Variants in VGLL4 observed in about 807,000 individuals in gnomAD.
VGLL4 encodes transcription cofactor vestigial-like protein 4.
In VGLL4, 7 loss-of-function variants were observed where a neutral mutation model predicts 21.0. The ratio of observed to expected loss-of-function variants is 0.33; its 90% CI spans 0.19 to 0.63. The LOEUF (loss-of-function observed/expected upper bound fraction) is 0.63. VGLL4 is among the 20% of genes least tolerant of loss of function. VGLL4 has a pLI of 0.78. For missense variants in VGLL4, 394 were observed against 425.7 expected (o/e 0.93, Z 0.66); for synonymous variants, 222 against 173.2 (o/e 1.28, Z -2.21).
chr3:11,693,905 T>A lies in VGLL4; in HGVS notation c.64+9066A>T, dbSNP rs372281494. Among the ~76,000 whole-genome samples the A allele has an allele frequency of 1.1e-4, 17 of 152,298 alleles. No homozygotes were observed. The South Asian group carries it at 2.9e-3, about 26-fold the overall frequency. On this transcript the variant is annotated intron_variant, in intron 2 of 5. Transcript: ENST00000273038. ...AGAGGAGTTTTATTTTGTTTTTGTT[T>A]TTTTAATCAGCAGAAAAGTCTTTCC...
Position 11,719,882 on chromosome 3 carries a change from C to G in VGLL4, c.-14+512G>C, listed in dbSNP as rs111873065. Among the ~76,000 whole-genome samples the G allele has an allele frequency of 2.0e-5, 3 of 152,090 alleles. No individual in the cohort carries two copies. Among genetic ancestry groups the G allele is most frequent in the African/African-American group, 7.2e-5 (3 of 41,448 alleles). ...GCAGTGAGGTTTGTCGGGGCGGGCG[C>G]TCCCGAGAGGCGCCAGCGGGCAGGG... On this transcript the variant is annotated intron_variant, in intron 1 of 5. Transcript: ENST00000273038. The surrounding 1 kb of genome is among the most constrained non-coding windows in gnomAD (Gnocchi z 4.0).
chr3:11,615,454 T>C (rs559060963), intron 1 of VGLL4, among the ~76,000 whole-genome samples: 1 of 152,270 alleles, frequency 6.6e-6, no homozygotes, highest in South Asian at 2.1e-4. Context: ...ACCCAGGTGA[T>C]ACTGTGTGCT....
chr3:11,706,971 T>C (rs2076769250), intron 1 of VGLL4, among the ~76,000 whole-genome samples: 1 of 152,100 alleles, frequency 6.6e-6, no homozygotes, highest in African/African-American at 2.4e-5. Flanking sequence ...GCAGTTGTCA[T>C]CATCTGTCCC....
At chr3:11,558,850 G>T in intron 4 of VGLL4, 23 bp from the exon 5 acceptor site, 1 of 1,607,632 alleles carries the variant, frequency 6.2e-7, no homozygotes, top group Non-Finnish European at 8.5e-7. Flanking sequence ...AGGAAGGCAG[G>T]CAGTCAGACA....
At chr3:11,582,408 G>A (rs2125227369) in intron 2 of VGLL4, 1 of 1,537,100 alleles carries the variant, frequency 6.5e-7, no homozygotes, top group African/African-American at 1.4e-5. Context: ...GCGCTTGTCA[G>A]AATAAAAGTC....
chr3:11,717,010 C>T (rs1229078557), intron 1 of VGLL4, among the ~76,000 whole-genome samples: 1 of 152,082 alleles, frequency 6.6e-6, no homozygotes, highest in African/African-American at 2.4e-5. Context: ...GTTCTCATAG[C>T]TGCAACAGCT....
At chr3:11,651,464 A>G (rs527821708) in intron 2 of VGLL4, among the ~76,000 whole-genome samples, 123 of 152,072 alleles carry the variant, frequency 8.1e-4, no homozygotes, top group Non-Finnish European at 1.3e-3. Context: ...TAGAATGCAA[A>G]TTCCTTAAAG....
At position 11,584,261 on chromosome 3, in the gene VGLL4, A is replaced by T. The variant is rs149316032; in HGVS notation, c.272+17572T>A. ...TTACAAAAAAGACAAGGTATAAACA[A>T]CATCATGGTCACAGAAGAAGAAATG... On this transcript the variant is annotated intron_variant, in intron 2 of 4. Coordinates refer to ENST00000430365, the MANE Select transcript of VGLL4 (RefSeq NM_001128219.3). 1.5e-3 allele frequency among the ~76,000 whole-genome samples: 225 copies of T among 152,348 alleles called. 1 individual carries two copies. The highest frequency in any genetic ancestry group is 5.2e-3 in the African/African-American group (217 of 41,594).
intron 1 of VGLL4, among the ~76,000 whole-genome samples, chr3:11,716,967 C>T (rs2076926798): frequency 6.6e-6 from 1 of 152,018 alleles, no homozygotes; most frequent in African/African-American, 2.4e-5. Flanking sequence ...AATTTCTTAA[C>T]TCACACACAC....
intron 1 of VGLL4, among the ~76,000 whole-genome samples, chr3:11,616,330 T>C (rs1445021771): frequency 6.6e-6 from 1 of 151,678 alleles, no homozygotes; most frequent in Non-Finnish European, 1.5e-5. Context: ...TCTGAAAACA[T>C]TTACAAGCAT....
intron 1 of VGLL4, among the ~76,000 whole-genome samples, chr3:11,628,521 T>G (rs1403093790): frequency 1.3e-5 from 2 of 152,118 alleles, no homozygotes; most frequent in Non-Finnish European, 2.9e-5. Context: ...AATAAGCATT[T>G]AAAAATTAAT....
At chr3:11,631,792 T>C (rs1387223213) in intron 1 of VGLL4, among the ~76,000 whole-genome samples, 1 of 152,050 alleles carries the variant, frequency 6.6e-6, no homozygotes, top group Non-Finnish European at 1.5e-5. Context: ...TCAATAAAAA[T>C]AAAGGAAGAA....
At chr3:11,651,066 G>A (rs1240763901) in intron 2 of VGLL4, among the ~76,000 whole-genome samples, 1 of 152,110 alleles carries the variant, frequency 6.6e-6, no homozygotes, top group Non-Finnish European at 1.5e-5. Context: ...GGGTTTAAGG[G>A]ACCAGGCGCG....
At chr3:11,696,557 A>G (rs58956821) in intron 2 of VGLL4, among the ~76,000 whole-genome samples, 8,507 of 152,282 alleles carry the variant, frequency 0.056, 280 homozygotes, top group Middle Eastern at 0.092. Flanking sequence ...AAAGTTTATC[A>G]CACGAAGGAG....
intron 1 of VGLL4, among the ~76,000 whole-genome samples, chr3:11,704,348 A>T (rs1204410670): frequency 2.1e-5 from 3 of 139,726 alleles, no homozygotes; most frequent in African/African-American, 7.9e-5. Context: ...GAGCCATTGC[A>T]CTCCAGCCTG....
intron 2 of VGLL4, among the ~76,000 whole-genome samples, chr3:11,698,148 T>C (rs2076630233): frequency 6.6e-6 from 1 of 152,120 alleles, no homozygotes; most frequent in Non-Finnish European, 1.5e-5. Flanking sequence ...CAAGGTGTTG[T>C]TTTATACATT....
At chr3:11,693,765 G>A (rs879291538) in intron 2 of VGLL4, among the ~76,000 whole-genome samples, 5 of 152,204 alleles carry the variant, frequency 3.3e-5, no homozygotes, top group East Asian at 1.9e-4. Flanking sequence ...GCTACCACAC[G>A]TCCTGAACGT....
At chr3:11,587,860 T>C (rs1408893545) in intron 2 of VGLL4, among the ~76,000 whole-genome samples, 1 of 152,182 alleles carries the variant, frequency 6.6e-6, no homozygotes, top group Non-Finnish European at 1.5e-5. Flanking sequence ...GGGGGGCTTC[T>C]TACTGAGAGT....
chr3:11,643,847 C>T lies in VGLL4; in HGVS notation c.-329G>A. The T allele has an allele frequency of 1.9e-6, 2 of 1,046,542 alleles. No homozygotes were observed. Among genetic ancestry groups the T allele is most frequent in the Non-Finnish European group, 2.3e-6 (2 of 868,914 alleles). 64.8% of individuals were successfully genotyped at this position (1,046,542 alleles called of 1,614,324 possible). A position where few individuals can be genotyped will look rare whatever the true frequency, so the allele number is the denominator to read the frequency against. On this transcript the variant is annotated 5_prime_UTR_variant, in exon 1 of 5. Transcript: ENST00000430365. Reference sequence around the variant, plus strand: ...AAAAAGAGAAACGCGCAGCCCGTTTCCTAGGACAAAGCGGCGCCGGCCCCT... The same window carrying T: ...AAAAAGAGAAACGCGCAGCCCGTTTTCTAGGACAAAGCGGCGCCGGCCCCT...
Sources: allele counts gnomAD v4.1 joint callset (sites outside exome capture counted in the v4.1 genomes callset), GRCh38; gene constraint gnomAD v4.1.1; non-coding constraint Gnocchi (gnomAD v3.1); transcripts MANE v1.5; gene names NCBI Gene and HGNC (gene_info 2026-07-23, HGNC 2026-07-21).